The following FUT8 variants were observed in gnomAD, a reference collection of about 807,000 sequenced individuals.
FUT8 encodes the protein fucosyltransferase 8, also known as alpha-(1,6)-fucosyltransferase.
In FUT8, 29 loss-of-function variants were observed where a neutral mutation model predicts 71.3. The ratio of observed to expected loss-of-function variants is 0.41; its 90% CI spans 0.30 to 0.55. The LOEUF (loss-of-function observed/expected upper bound fraction) is 0.55. Among genes scored for constraint, FUT8 ranks in the 20% least tolerant of loss-of-function variants. The pLI is 0.34. For missense variants in FUT8, 544 were observed against 702.1 expected, an observed-to-expected ratio of 0.77 and a Z score of 2.55; for synonymous variants, 254 against 239.3, an observed-to-expected ratio of 1.06 and a Z score of -0.57.
At chr14:65,435,102 C>G (rs569268333) in intron 1 of FUT8, among the ~76,000 whole-genome samples, 1 of 152,150 alleles carries the variant, frequency 6.6e-6, no homozygotes, top group Non-Finnish European at 1.5e-5. Flanking sequence ...TCCAAAACCC[C>G]TTCAGATACT....
At chr14:65,414,243 C>G (rs970212161) in intron 1 of FUT8, among the ~76,000 whole-genome samples, 1 of 152,042 alleles carries the variant, frequency 6.6e-6, no homozygotes, top group Non-Finnish European at 1.5e-5. Flanking sequence ...TGGCTTGCCT[C>G]TATGAAAACT....
intron 2 of FUT8, among the ~76,000 whole-genome samples, chr14:65,491,274 CAT>C (rs1241111937): frequency 6.6e-6 from 1 of 152,082 alleles, no homozygotes; most frequent in Non-Finnish European, 1.5e-5. Context: ...GATGAGGAAA[CAT>C]ATTCAGAGAA....
At chr14:65,675,718 G>A (rs1197397358) in intron 7 of FUT8, among the ~76,000 whole-genome samples, 2 of 152,082 alleles carry the variant, frequency 1.3e-5, no homozygotes, top group Non-Finnish European at 2.9e-5. Context: ...GGCCGGGCGC[G>A]GTGGCTCACG....
At chr14:65,400,895 G>A in the FUT8 span, among the ~76,000 whole-genome samples, 1 of 152,090 alleles carries the variant, frequency 6.6e-6, no homozygotes, top group Admixed American at 6.5e-5. Context: ...AAAAAAAAAG[G>A]GCTGTCTTTC....
At chr14:65,551,973 A>G (rs1225350883) in intron 2 of FUT8, among the ~76,000 whole-genome samples, 1 of 152,122 alleles carries the variant, frequency 6.6e-6, no homozygotes, top group African/African-American at 2.4e-5. Flanking sequence ...TCATCTGTTT[A>G]TATATATAAT....
the FUT8 span, among the ~76,000 whole-genome samples, chr14:65,368,153 A>C: frequency 2.1e-5 from 3 of 145,906 alleles, no homozygotes; most frequent in Non-Finnish European, 4.4e-5. Context: ...TCCCGGGTTC[A>C]TGCCATTCTC....
intron 1 of FUT8, among the ~76,000 whole-genome samples, chr14:65,443,233 AC>A (rs2065687891): frequency 6.6e-6 from 1 of 151,546 alleles, no homozygotes; most frequent in Non-Finnish European, 1.5e-5. Context: ...ACGCGGTGAA[AC>A]CCTGTCTCTA....
intron 3 of FUT8, among the ~76,000 whole-genome samples, chr14:65,562,564 T>C (rs972667468): frequency 1.3e-5 from 2 of 152,126 alleles, no homozygotes; most frequent in Non-Finnish European, 2.9e-5. Flanking sequence ...TCCAAAGTTA[T>C]TGAGGTAAAA....
At chr14:65,677,152 G>GTGTGTGTGTGTGTGCGCGCGCGCGCGCA (rs1555383261) in intron 7 of FUT8, among the ~76,000 whole-genome samples, 13 of 59,476 alleles carry the variant, frequency 2.2e-4, no homozygotes, top group Non-Finnish European at 2.7e-4. Context: ...GTGTGTGTGT[G>GTGTGTGTGTGTGTGCGCGCGCGCGCGCA]CGCGCGCGCA....
intron 2 of FUT8, among the ~76,000 whole-genome samples, chr14:65,479,544 C>A (rs542977939): frequency 4.6e-5 from 7 of 151,742 alleles, no homozygotes; most frequent in African/African-American, 1.7e-4. Context: ...ATTTCTTCCT[C>A]CCTCCTTCCC....
intron 3 of FUT8, among the ~76,000 whole-genome samples, chr14:65,611,268 CA>C (rs1888958007): frequency 2.7e-5 from 2 of 73,660 alleles, no homozygotes; most frequent in African/African-American, 1.7e-4. Context: ...CACACACACA[CA>C]CACACACACA....
At chr14:65,507,014 G>T (rs1055090559) in intron 2 of FUT8, among the ~76,000 whole-genome samples, 1 of 152,140 alleles carries the variant, frequency 6.6e-6, no homozygotes, top group African/African-American at 2.4e-5. Context: ...CCATGACCTC[G>T]ATCAGCAAGT....
chr14:65,742,256 C>T lies in FUT8; in HGVS notation c.1574C>T (p.Pro525Leu). 6.2e-7 allele frequency: 1 copy of T among 1,613,050 alleles called. No homozygotes were observed. The highest frequency in any genetic ancestry group is 8.5e-7 in the Non-Finnish European group (1 of 1,179,372). Residue 525 changes from proline to leucine, a missense_variant, in exon 11 of 11, where the codon CCT (proline) becomes CTT (leucine). Pro to Leu is a moderately conservative substitution (Grantham distance 98). Transcript: ENST00000673929. ...PRTADEIPME[P>L]GDIIGVAGNH... Reference sequence around the variant, plus strand: ...ACTGCAGATGAAATTCCCATGGAACCTGGAGATATCATTGGTGTGGCTGGA... The same window carrying T: ...ACTGCAGATGAAATTCCCATGGAACTTGGAGATATCATTGGTGTGGCTGGA...
chr14:65,527,352 G>C (rs1311727367), intron 2 of FUT8, among the ~76,000 whole-genome samples: 1 of 152,110 alleles, frequency 6.6e-6, no homozygotes, highest in African/African-American at 2.4e-5. Context: ...CCAGTTGATT[G>C]AATCAGCTAC....
intron 3 of FUT8, among the ~76,000 whole-genome samples, chr14:65,575,214 C>T (rs1224722139): frequency 1.3e-5 from 2 of 151,962 alleles, no homozygotes; most frequent in East Asian, 1.9e-4. Context: ...CATTTACCTT[C>T]GTTGTGAAGT....
intron 6 of FUT8, among the ~76,000 whole-genome samples, chr14:65,663,981 G>C (rs143022162): frequency 1.7e-3 from 255 of 152,100 alleles, no homozygotes; most frequent in African/African-American, 5.4e-3. Flanking sequence ...AAAAGAAGAA[G>C]AAGACTAACA....
intron 6 of FUT8, among the ~76,000 whole-genome samples, chr14:65,655,952 A>T (rs1308403523): frequency 1.3e-5 from 2 of 152,224 alleles, no homozygotes; most frequent in Non-Finnish European, 2.9e-5. Flanking sequence ...CATAAAGGGA[A>T]TATACCTCAA....
chr14:65,569,185 T>C (rs1001480153), intron 3 of FUT8, among the ~76,000 whole-genome samples: 4 of 151,768 alleles, frequency 2.6e-5, no homozygotes, highest in Non-Finnish European at 5.9e-5. Flanking sequence ...TGCCTAGATA[T>C]GGCTTTATTT....
At chr14:65,399,630 G>A in the FUT8 span, among the ~76,000 whole-genome samples, 4 of 152,210 alleles carry the variant, frequency 2.6e-5, no homozygotes, top group African/African-American at 9.7e-5. Context: ...GCATAGTTTT[G>A]TGTTAGAGGG....
Sources: gnomAD v4.1 joint callset for allele counts (sites outside exome capture counted in the v4.1 genomes callset) on GRCh38, gnomAD v4.1.1 for gene constraint, MANE v1.5 for transcripts, NCBI Gene and HGNC (gene_info 2026-07-23, HGNC 2026-07-21) for gene names.